The following PAX3 variants were observed in gnomAD, a reference collection of about 807,000 sequenced individuals.
PAX3 encodes paired box protein Pax-3.
A neutral mutation model predicts 51.6 loss-of-function variants in PAX3; 14 were observed. The ratio of observed to expected loss-of-function variants is 0.27; its 90% CI spans 0.18 to 0.42. The LOEUF (loss-of-function observed/expected upper bound fraction) is 0.42, where lower values mean the gene tolerates loss of function less well. Ranked by LOEUF, PAX3 falls within the 10% of genes least tolerant of loss-of-function variation. The pLI is 1.00. For missense variants in PAX3, 540 were observed against 642.8 expected, an observed-to-expected ratio of 0.84 and a Z score of 1.73; for synonymous variants, 280 against 253.4, an observed-to-expected ratio of 1.11 and a Z score of -1.00.
At chr2:222,231,526 A>T (rs544879045) in intron 5 of PAX3, among the ~76,000 whole-genome samples, 11 of 152,360 alleles carry the variant, frequency 7.2e-5, no homozygotes, top group Admixed American at 7.2e-4. Context: ...TCGTTAAATG[A>T]AGGAATTTCA....
At chr2:222,226,540 T>C (rs576221394) in intron 5 of PAX3, among the ~76,000 whole-genome samples, 4 of 152,164 alleles carry the variant, frequency 2.6e-5, no homozygotes, top group South Asian at 2.1e-4. Context: ...GATGAACATA[T>C]GTTTGCTTCA....
chr2:222,254,067 A>G (rs1417084314), intron 4 of PAX3, among the ~76,000 whole-genome samples: 1 of 152,222 alleles, frequency 6.6e-6, no homozygotes, highest in Non-Finnish European at 1.5e-5. Context: ...TAAAAAGCTG[A>G]GCAGAACAGA....
chr2:222,233,393 A>T (rs1692682748), intron 4 of PAX3, among the ~76,000 whole-genome samples: 1 of 152,062 alleles, frequency 6.6e-6, no homozygotes, highest in Non-Finnish European at 1.5e-5. Flanking sequence ...AATGGTTAGT[A>T]CTCCTGTAAG....
intron 5 of PAX3, among the ~76,000 whole-genome samples, chr2:222,229,575 A>G (rs1049673246): frequency 6.6e-6 from 1 of 151,830 alleles, no homozygotes; most frequent in Non-Finnish European, 1.5e-5. Context: ...CACTGCCACT[A>G]CCTATCTCAT....
rs200777940 is a variant in PAX3, at chr2:222,201,459, G to T, written c.1421-17C>A. On this transcript the variant is annotated splice_polypyrimidine_tract_variant and intron_variant, in intron 8 of 8. Coordinates refer to ENST00000392070, the MANE Select transcript of PAX3 (RefSeq NM_181458.4). The stretch of plus-strand genomic sequence containing the variant: ...GAAAGGCACCTGTAAGGAAACACAC[G>T]CAGCTTTTTAGGTCATGCTGGGACA... The T allele has an allele frequency of 6.2e-7, 1 of 1,613,866 alleles. No individual in the cohort carries two copies. The highest frequency in any genetic ancestry group is 1.3e-5 in the African/African-American group (1 of 74,894).
chr2:222,283,744 C>T (rs1402866481), intron 4 of PAX3, among the ~76,000 whole-genome samples: 2 of 152,348 alleles, frequency 1.3e-5, no homozygotes, highest in East Asian at 1.9e-4. Flanking sequence ...CAAGGAGCTT[C>T]GGCTGCCTGC....
At chr2:222,223,275 A>G (rs1256872908) in intron 5 of PAX3, among the ~76,000 whole-genome samples, 1 of 152,198 alleles carries the variant, frequency 6.6e-6, no homozygotes, top group Non-Finnish European at 1.5e-5. Context: ...CAAAACATCA[A>G]CATTTAATAC....
chr2:222,280,545 G>A (rs774024303), intron 4 of PAX3, among the ~76,000 whole-genome samples: 3 of 152,084 alleles, frequency 2.0e-5, no homozygotes, highest in Non-Finnish European at 2.9e-5. Flanking sequence ...TACTTGCTTT[G>A]ACCTCCACAA....
rs1188513384 is a variant in PAX3 at position 222,238,203 on chromosome 2, A to G, written c.587-5920T>C. 3.3e-5 allele frequency among the ~76,000 whole-genome samples: 5 copies of G among 152,200 alleles called. 1 individual carries two copies. Among genetic ancestry groups the G allele is most frequent in the Admixed American group, 3.3e-4 (5 of 15,274 alleles). On this transcript the variant is annotated intron_variant, in intron 4 of 8. Coordinates refer to ENST00000392070, the MANE Select transcript of PAX3 (RefSeq NM_181458.4). Reference sequence around the variant, plus strand: ...AATCAAACTGGGAGGAGAAGGCAAAAGTATTACCACCAGCGGGCTAACCAT... The same window carrying G: ...AATCAAACTGGGAGGAGAAGGCAAAGGTATTACCACCAGCGGGCTAACCAT...
intron 5 of PAX3, among the ~76,000 whole-genome samples, chr2:222,225,887 CT>C (rs1318348919): frequency 2.0e-5 from 3 of 152,146 alleles, no homozygotes; most frequent in African/African-American, 7.2e-5. Context: ...CAGCCAAAGC[CT>C]TTTGTGTCTG....
intron 4 of PAX3, among the ~76,000 whole-genome samples, chr2:222,254,686 T>C (rs1239406367): frequency 6.6e-6 from 1 of 152,258 alleles, no homozygotes; most frequent in African/African-American, 2.4e-5. Flanking sequence ...TTTCTGATGA[T>C]ACTCTACAGT....
chr2:222,240,858 A>G (rs757429151), intron 4 of PAX3, among the ~76,000 whole-genome samples: 1 of 152,192 alleles, frequency 6.6e-6, no homozygotes, highest in Non-Finnish European at 1.5e-5. Flanking sequence ...TCTATTTGCA[A>G]TTGTTTTTAA....
chr2:222,275,079 C>G (rs1364561695), intron 4 of PAX3, among the ~76,000 whole-genome samples: 2 of 152,142 alleles, frequency 1.3e-5, no homozygotes, highest in Non-Finnish European at 2.9e-5. Context: ...GTGACTTTCT[C>G]TCTTATTAAA....
intron 4 of PAX3, among the ~76,000 whole-genome samples, chr2:222,235,338 A>ATGAATGC (rs948566953): frequency 6.6e-6 from 1 of 152,174 alleles, no homozygotes; most frequent in African/African-American, 2.4e-5. Flanking sequence ...GACACGTTGA[A>ATGAATGC]TGAATGCCAA....
At chr2:222,260,748 G>T (rs1353163353) in intron 4 of PAX3, among the ~76,000 whole-genome samples, 1 of 151,506 alleles carries the variant, frequency 6.6e-6, no homozygotes, top group Admixed American at 6.6e-5. Flanking sequence ...GAACCCCCAT[G>T]CCCGGCTAAT....
In PAX3 at chr2:222,294,170, G is replaced by T. The variant is rs1220219700; in HGVS notation, c.583C>A (p.Arg195=). The T allele has an allele frequency of 1.2e-6, 2 of 1,614,210 alleles. No homozygotes were observed. Among genetic ancestry groups the T allele is most frequent in the South Asian group, 2.2e-5 (2 of 91,088 alleles). The stretch of plus-strand genomic sequence containing the variant: ...CGCCCAAGGCGCCACCGCTTACCTC[G>T]CTCGCTCAGGATGCCGTCGATGCTG... ...KHSIDGILSE[R]ASAPQSDEGS... The change falls in exon 4 of 9, where the codon CGA becomes AGA. Residue 195 remains arginine (R), a synonymous_variant. Transcript: ENST00000392070.
chr2:222,280,020 G>C (rs1416171231), intron 4 of PAX3, among the ~76,000 whole-genome samples: 2 of 152,010 alleles, frequency 1.3e-5, no homozygotes, highest in Admixed American at 1.3e-4. Flanking sequence ...AGCCCAGCCT[G>C]GCCAACATGG....
intron 4 of PAX3, among the ~76,000 whole-genome samples, chr2:222,250,812 A>C (rs1385346501): frequency 1.3e-5 from 2 of 152,174 alleles, no homozygotes; most frequent in African/African-American, 4.8e-5. Flanking sequence ...TTAGAAACTA[A>C]ATTTCTCTAC....
chr2:222,261,541 C>T (rs1693860642), intron 4 of PAX3, among the ~76,000 whole-genome samples: 2 of 151,370 alleles, frequency 1.3e-5, no homozygotes, highest in African/African-American at 4.9e-5. Context: ...TCTAATTGTC[C>T]TCTTCTGAGG....
Sources: allele counts gnomAD v4.1 joint callset (sites outside exome capture counted in the v4.1 genomes callset), GRCh38; gene constraint gnomAD v4.1.1; transcripts MANE v1.5; gene names NCBI Gene and HGNC (gene_info 2026-07-23, HGNC 2026-07-21).